ACOX3: variants seen among roughly 807,000 people sequenced by gnomAD.
ACOX3 encodes peroxisomal acyl-coenzyme A oxidase 3.
In ACOX3, 73 loss-of-function variants were observed where a neutral mutation model predicts 81.5. That is an observed-to-expected ratio of 0.90 (90% CI 0.74 to 1.09). The LOEUF (loss-of-function observed/expected upper bound fraction) is 1.09. Ranked by LOEUF, ACOX3 falls within the 50% of genes least tolerant of loss-of-function variation. The pLI, the probability that ACOX3 is intolerant of heterozygous loss-of-function variation, is 0.00. For missense variants in ACOX3, 947 were observed against 928.0 expected (o/e 1.02, Z -0.27); for synonymous variants, 387 against 375.1 (o/e 1.03, Z -0.37).
chr4:8,393,106 A>G (rs550402585), intron 10 of ACOX3: 4 of 150,588 alleles, frequency 2.7e-5, no homozygotes, highest in Non-Finnish European at 4.4e-5. Context: ...CCGCCTGGGA[A>G]TAGCAGGTGC....
rs1172389808 is a variant in ACOX3, at chr4:8,405,398, C to T, written c.776+557G>A. Among the ~76,000 whole-genome samples, 6 of 152,254 alleles carry T rather than the reference C, an allele frequency of 3.9e-5. No individual in the cohort carries two copies. The highest frequency in any genetic ancestry group is 1.4e-4 in the African/African-American group (6 of 41,478). On this transcript the variant is annotated intron_variant, in intron 7 of 17. Coordinates refer to ENST00000356406, the MANE Select transcript of ACOX3 (RefSeq NM_003501.3). This position sits in a 1 kb window ranked among gnomAD's most constrained non-coding sequence, Gnocchi z 7.1. ...TCCCCTCTGCACGCCCCATCCAACC[C>T]TTCAGCCAGGCCTTGGCCACACCAA...
At chr4:8,429,807 G>A (rs1380730812) in intron 1 of ACOX3, among the ~76,000 whole-genome samples, 3 of 152,140 alleles carry the variant, frequency 2.0e-5, no homozygotes, top group Non-Finnish European at 4.4e-5. Context: ...GTGCGCCATG[G>A]TTCTCTCATC....
Position 8,399,555 on chromosome 4 carries a change from C to T in ACOX3, c.873+1G>A. 1 of 1,612,488 alleles carries T rather than the reference C, an allele frequency of 6.2e-7. No homozygotes were observed. The highest frequency in any genetic ancestry group is 8.5e-7 in the Non-Finnish European group (1 of 1,178,520). ...ACACGAACGGCCCCCCATGCCTGTA[C>T]CTTAAAGGGGCTGACATAGGTGCCC... is the stretch of plus-strand genomic sequence containing the variant. On this transcript the variant is annotated splice_donor_variant, in intron 8 of 17. Transcript: ENST00000356406. LOFTEE classifies it high-confidence loss of function. This position sits in a 1 kb window ranked among gnomAD's most constrained non-coding sequence, Gnocchi z 4.9.
rs543114898 is a variant in ACOX3 at position 8,394,450 on chromosome 4, G to A, written c.1179+170C>T. Among the ~76,000 whole-genome samples the A allele has an allele frequency of 1.5e-4, 23 of 152,360 alleles. No individual in the cohort carries two copies. Among genetic ancestry groups the A allele is most frequent in the Admixed American group, 4.6e-4 (7 of 15,310 alleles). ...AGGGGTGTGGACGCGTGCCCAGCCC[G>A]TTCAATCGCGGCAGAGGCCAAGAGC... is the stretch of plus-strand genomic sequence containing the variant. On this transcript the variant is annotated intron_variant, in intron 10 of 17. Transcript: ENST00000356406. The surrounding 1 kb of genome is among the most constrained non-coding windows in gnomAD (Gnocchi z 5.9).
At position 8,384,894 on chromosome 4, in the gene ACOX3, C is replaced by T. The variant is rs1023768471; in HGVS notation, c.1538-3287G>A. On this transcript the variant is annotated intron_variant, in intron 13 of 17. Coordinates refer to ENST00000356406, the MANE Select transcript of ACOX3 (RefSeq NM_003501.3). This position sits in a 1 kb window ranked among gnomAD's most constrained non-coding sequence, Gnocchi z 5.3. ...GAATGGCCGGTGCTCCCCAAAAGCA[C>T]AACGCACGGACCCTCTGAGACACCC... Among the ~76,000 whole-genome samples, 3 of 152,218 alleles carry T rather than the reference C, an allele frequency of 2.0e-5. No individual in the cohort carries two copies. Among genetic ancestry groups the T allele is most frequent in the Non-Finnish European group, 4.4e-5 (3 of 68,046 alleles).
chr4:8,355,674 T>C, the ACOX3 span: 1 of 152,274 alleles, frequency 6.6e-6, no homozygotes. Context: ...TTTTAAAATG[T>C]GCAGGCATTT....
Position 8,389,721 on chromosome 4 carries a change from AC to A in ACOX3, c.1313del (p.Gly438ValfsTer46). ...TGGGATCGTTGTCATCTCTAAGGAC[AC>A]CCAACCGGTTCACTGCAACAAAGCC... ...GHGYLAMNRL[G>X]VLRDDNDPNC... On this transcript the variant is annotated frameshift_variant, in exon 12 of 18. Transcript: ENST00000356406. LOFTEE classifies it high-confidence loss of function. This position sits in a 1 kb window ranked among gnomAD's most constrained non-coding sequence, Gnocchi z 5.3. 1.2e-6 allele frequency: 2 copies of A among 1,613,968 alleles called. No individual in the cohort carries two copies.
Position 8,440,663 on chromosome 4 carries a change from T to A in ACOX3, c.-30A>T. On this transcript the variant is annotated 5_prime_UTR_variant, in exon 1 of 18. Coordinates refer to ENST00000356406, the MANE Select transcript of ACOX3 (RefSeq NM_003501.3). ...AATTCCTCACCCACACACTCCACAG[T>A]TCAACCCCTGCCAGGGAAACCAAAA... 1.1e-6 allele frequency: 1 copy of A among 904,394 alleles called. No homozygotes were observed. The highest frequency in any genetic ancestry group is 1.6e-6 in the Non-Finnish European group (1 of 639,298). The allele number at this position is 904,394 out of a possible 1,614,324, so 56.0% of individuals were successfully genotyped here. A position where few individuals can be genotyped will look rare whatever the true frequency, so the allele number is the denominator to read the frequency against.
Position 8,389,242 on chromosome 4 carries a change from C to A in ACOX3, c.1468G>T (p.Asp490Tyr), listed in dbSNP as rs759487661. 3 of 1,613,720 alleles carry A rather than the reference C, an allele frequency of 1.9e-6. No homozygotes were observed. Among genetic ancestry groups the A allele is most frequent in the Admixed American group, 3.3e-5 (2 of 59,984 alleles). Residue 490 changes from aspartate (D) to tyrosine (Y), a missense_variant, in exon 13 of 18, where the codon GAC becomes TAC. Asp to Tyr is a radical substitution (Grantham distance 160). Transcript: ENST00000356406. The surrounding 1 kb of genome is among the most constrained non-coding windows in gnomAD (Gnocchi z 5.3). ...TGGTCAAGGATGCCGGGATAGGCGT[C>A]CAGAAAGTCCACTGACTTCAGCGGA... ...RSPLKSVDFLDAYPGILDQKF... is the reference protein window; with the variant it reads ...RSPLKSVDFLYAYPGILDQKF...
At chr4:8,403,026 T>C (rs1378949538) in intron 7 of ACOX3, among the ~76,000 whole-genome samples, 1 of 152,160 alleles carries the variant, frequency 6.6e-6, no homozygotes, top group Admixed American at 6.5e-5. Context: ...GAAAGACCCT[T>C]AAGGTGCAGC....
At position 8,414,754 on chromosome 4, in the gene ACOX3, C is replaced by G; in HGVS notation, c.453+100G>C. On this transcript the variant is annotated intron_variant, in intron 4 of 17. Transcript: ENST00000356406. This position sits in a 1 kb window ranked among gnomAD's most constrained non-coding sequence, Gnocchi z 6.1. ...CACTAGGAAACAAGAAGAGCATAAG[C>G]CCCCTGGGCACCCCCTTCTACAATC... The G allele has an allele frequency of 8.4e-7, 1 of 1,193,396 alleles. No homozygotes were observed. The allele number at this position is 1,193,396 out of a possible 1,614,324, so 73.9% of individuals were successfully genotyped here.
Position 8,438,058 on chromosome 4 carries a change from T to C in ACOX3, c.-15+2590A>G, listed in dbSNP as rs149288540. 9.1e-3 allele frequency among the ~76,000 whole-genome samples: 1,381 copies of C among 152,374 alleles called. 11 individuals carry two copies. Among genetic ancestry groups the C allele is most frequent in the African/African-American group, 0.028 (1,185 of 41,588 alleles). On this transcript the variant is annotated intron_variant, in intron 1 of 17. Coordinates refer to ENST00000356406, the MANE Select transcript of ACOX3 (RefSeq NM_003501.3). Reference sequence around the variant, plus strand: ...CTTAAACAGGAAAAAGAGCCATACCTTGTGAAAACTTGCTTATAGACTTTA... The same window carrying C: ...CTTAAACAGGAAAAAGAGCCATACCCTGTGAAAACTTGCTTATAGACTTTA...
chr4:8,367,991 CAA>C (rs536606440), intron 17 of ACOX3, among the ~76,000 whole-genome samples: 48 of 118,948 alleles, frequency 4.0e-4, no homozygotes, highest in Admixed American at 5.2e-4. Flanking sequence ...GATCCTATCT[CAA>C]AAAAAAAAAA....
At chr4:8,395,394 G>A (rs1422123850) in intron 9 of ACOX3, among the ~76,000 whole-genome samples, 18 of 146,310 alleles carry the variant, frequency 1.2e-4, no homozygotes, top group Non-Finnish European at 2.6e-4. Flanking sequence ...GTGGACAGGT[G>A]GGGGGATGCA....
intron 1 of ACOX3, chr4:8,428,366 G>A (rs936323662): frequency 6.6e-6 from 1 of 152,664 alleles, no homozygotes. Flanking sequence ...AGGCGCTCAG[G>A]GGATGCCTGT....
rs989436357 is a variant in ACOX3 at position 8,399,367 on chromosome 4, G to T, written c.873+189C>A. Among the ~76,000 whole-genome samples, 3 of 152,218 alleles carry T rather than the reference G, an allele frequency of 2.0e-5. No homozygotes were observed. Among genetic ancestry groups the T allele is most frequent in the Non-Finnish European group, 2.9e-5 (2 of 68,036 alleles). On this transcript the variant is annotated intron_variant, in intron 8 of 17. Transcript: ENST00000356406. This position sits in a 1 kb window ranked among gnomAD's most constrained non-coding sequence, Gnocchi z 4.9. Reference sequence around the variant, plus strand: ...CACCCCCTGGACACCAGCACCTGGTGCTGTGGCTGCCCCAAGAGTCCCCTT... The same window carrying T: ...CACCCCCTGGACACCAGCACCTGGTTCTGTGGCTGCCCCAAGAGTCCCCTT...
At chr4:8,397,157 T>C in intron 8 of ACOX3, 38 bp from the exon 9 acceptor site, 5 of 1,502,108 alleles carry the variant, frequency 3.3e-6, no homozygotes, top group Non-Finnish European at 4.4e-6. Flanking sequence ...CAAGCCCGGC[T>C]GCGCGGCCAC....
Position 8,436,934 on chromosome 4 carries a change from G to A in ACOX3, c.-15+3714C>T, listed in dbSNP as rs552213113. ...GTGAACCTGGGAGGTGGAGTTTGCA[G>A]TGAGCCGAGATCACACCACTGCACT... On this transcript the variant is annotated intron_variant, in intron 1 of 17. Transcript: ENST00000356406. Among the ~76,000 whole-genome samples the A allele has an allele frequency of 2.0e-4, 29 of 144,188 alleles. No homozygotes were observed. In the South Asian group the frequency reaches 5.7e-3, roughly 28 times the overall value. The allele number at this position is 144,188 out of a possible 152,430, so 94.6% of individuals were successfully genotyped here. A position where few individuals can be genotyped will look rare whatever the true frequency, so the allele number is the denominator to read the frequency against.
chr4:8,413,295 T>TGG (rs1721964635), intron 5 of ACOX3, among the ~76,000 whole-genome samples: 1 of 69,558 alleles, frequency 1.4e-5, no homozygotes, highest in Non-Finnish European at 2.6e-5. Flanking sequence ...GGCATCCGTG[T>TGG]CCCGTCTCAC....
Sources: gnomAD v4.1 joint callset for allele counts (sites outside exome capture counted in the v4.1 genomes callset) on GRCh38, gnomAD v4.1.1 for gene constraint, Gnocchi (gnomAD v3.1) non-coding constraint, MANE v1.5 for transcripts, NCBI Gene and HGNC (gene_info 2026-07-23, HGNC 2026-07-21) for gene names.